UNC5C: variants seen among roughly 807,000 people sequenced by gnomAD.
UNC5C encodes the protein netrin receptor UNC5C.
UNC5C carries 47 observed loss-of-function variants against 99.8 expected under a neutral mutation model. That is an observed-to-expected ratio of 0.47 (90% CI 0.37 to 0.60). The LOEUF (loss-of-function observed/expected upper bound fraction) is 0.60, where lower values mean the gene tolerates loss of function less well. UNC5C is among the 20% of genes least tolerant of loss of function. The pLI is 0.00. For synonymous variants in UNC5C, 487 were observed against 452.2 expected, an observed-to-expected ratio of 1.08 and a Z score of -0.98; for missense variants, 1,062 against 1,165.9, an observed-to-expected ratio of 0.91 and a Z score of 1.30.
intron 10 of UNC5C, among the ~76,000 whole-genome samples, chr4:95,209,165 C>T (rs548218759): frequency 6.6e-6 from 1 of 152,232 alleles, no homozygotes; most frequent in East Asian, 1.9e-4. Context: ...ATTTTTGCAT[C>T]ACCATTTCTA....
intron 1 of UNC5C, among the ~76,000 whole-genome samples, chr4:95,529,660 G>A (rs1288499956): frequency 2.0e-5 from 3 of 151,940 alleles, no homozygotes; most frequent in Admixed American, 6.6e-5. Flanking sequence ...CCAGGAGGTC[G>A]AAGCTGCAGT....
At chr4:95,248,318 AAG>A in intron 5 of UNC5C, 1 of 239,684 alleles carries the variant, frequency 4.2e-6, no homozygotes, top group East Asian at 1.5e-4. Context: ...TAAGAAAATG[AAG>A]ACCCAAAGAT....
chr4:95,338,776 G>A (rs886659137), intron 1 of UNC5C, among the ~76,000 whole-genome samples: 1 of 151,972 alleles, frequency 6.6e-6, no homozygotes, highest in African/African-American at 2.4e-5. Flanking sequence ...AGATTCACAA[G>A]GAATTTTAGA....
intron 10 of UNC5C, among the ~76,000 whole-genome samples, chr4:95,210,672 CAAT>C (rs1339708076): frequency 2.6e-5 from 4 of 152,092 alleles, no homozygotes; most frequent in African/African-American, 9.7e-5. Context: ...CAGCAAAGAA[CAAT>C]GATTAAAATT....
rs188476553 is a variant in UNC5C at position 95,296,377 on chromosome 4, T to G, written c.490+5229A>C. Reference sequence around the variant, plus strand: ...AATAATGTTGACCTAGAAGAAGAGTTTGTTTTTTTATTTGAAAATAGATTG... The same window carrying G: ...AATAATGTTGACCTAGAAGAAGAGTGTGTTTTTTTATTTGAAAATAGATTG... On this transcript the variant is annotated intron_variant, in intron 3 of 15. Coordinates refer to ENST00000453304, the MANE Select transcript of UNC5C (RefSeq NM_003728.4). Among the ~76,000 whole-genome samples, 750 of 152,316 alleles carry G rather than the reference T, an allele frequency of 4.9e-3. 4 individuals are homozygous for G. Among genetic ancestry groups the G allele is most frequent in the Non-Finnish European group, 7.8e-3 (528 of 68,036 alleles).
chr4:95,224,603 AATTCATTCATTCATTC>A (rs35707866), intron 7 of UNC5C, among the ~76,000 whole-genome samples: 1 of 150,856 alleles, frequency 6.6e-6, no homozygotes. Context: ...ACAGAATTGG[AATTCATTCATTCATTC>A]ATTCATTCAT....
At chr4:95,172,047 G>C (rs1004579124) in intron 14 of UNC5C, among the ~76,000 whole-genome samples, 2 of 148,646 alleles carry the variant, frequency 1.3e-5, no homozygotes, top group Admixed American at 6.7e-5. Context: ...CTTTTGAGAA[G>C]TGTCTGTTCA....
At chr4:95,191,646 GCTCCTCTGTTCGCCGC>G (rs1737099962) in intron 12 of UNC5C, among the ~76,000 whole-genome samples, 1 of 137,676 alleles carries the variant, frequency 7.3e-6, no homozygotes, top group Non-Finnish European at 1.6e-5. Flanking sequence ...ATGCTCACCT[GCTCCTCTGTTCGCCGC>G]CTCCTCTGTT....
At chr4:95,185,682 AC>A (rs1338603957) in intron 12 of UNC5C, among the ~76,000 whole-genome samples, 1 of 152,194 alleles carries the variant, frequency 6.6e-6, no homozygotes, top group Admixed American at 6.5e-5. Context: ...AAAAATTAGA[AC>A]CTGTTTTAGA....
chr4:95,484,178 C>T (rs1397643941), intron 1 of UNC5C, among the ~76,000 whole-genome samples: 1 of 151,844 alleles, frequency 6.6e-6, no homozygotes, highest in Non-Finnish European at 1.5e-5. Context: ...GAATGAGCCA[C>T]ATGGGTGGGT....
intron 5 of UNC5C, among the ~76,000 whole-genome samples, chr4:95,249,398 A>G (rs1285712853): frequency 3.9e-5 from 6 of 152,190 alleles, no homozygotes; most frequent in African/African-American, 1.4e-4. Context: ...ATGTTCTAAG[A>G]GGTGGTGAGG....
At chr4:95,345,790 A>T (rs1743748969) in intron 1 of UNC5C, among the ~76,000 whole-genome samples, 1 of 152,006 alleles carries the variant, frequency 6.6e-6, no homozygotes, top group African/African-American at 2.4e-5. Flanking sequence ...GTAAATTTAA[A>T]AATTTATTGA....
intron 1 of UNC5C, among the ~76,000 whole-genome samples, chr4:95,360,042 A>T (rs889107218): frequency 6.6e-6 from 1 of 152,100 alleles, no homozygotes; most frequent in Non-Finnish European, 1.5e-5. Context: ...CAAATACTCA[A>T]TACATAGACT....
intron 1 of UNC5C, among the ~76,000 whole-genome samples, chr4:95,367,215 C>G (rs1744601332): frequency 7.2e-6 from 1 of 138,032 alleles, no homozygotes; most frequent in Non-Finnish European, 1.5e-5. Context: ...AAAGAAAAAT[C>G]CAGGAGTGCA....
At chr4:95,242,391 G>A (rs891552809) in intron 7 of UNC5C, 38 bp downstream of exon 7, 3 of 1,611,442 alleles carry the variant, frequency 1.9e-6, no homozygotes, top group Non-Finnish European at 2.5e-6. Context: ...TCAATCTCCA[G>A]CCCCCTCAAT....
At position 95,548,622 on chromosome 4, in the gene UNC5C, G is replaced by A. The variant is rs948763227; in HGVS notation, c.124+112C>T. 2.2e-6 allele frequency: 3 copies of A among 1,356,252 alleles called. No individual in the cohort carries two copies. In the Admixed American group the frequency reaches 8.2e-5, roughly 37 times the overall value. 84.0% of individuals were successfully genotyped at this position (1,356,252 alleles called of 1,614,324 possible). A position where few individuals can be genotyped will look rare whatever the true frequency, so the allele number is the denominator to read the frequency against. ...AAAGTGGAATTTAGAGTGGTTTCCA[G>A]TTGAAAGCAACGAGGCAAATTGAGG... On this transcript the variant is annotated intron_variant, in intron 1 of 15. Transcript: ENST00000453304.
rs544717701 is a variant in UNC5C at position 95,534,393 on chromosome 4, C to A, written c.124+14341G>T. Among the ~76,000 whole-genome samples the A allele has an allele frequency of 1.1e-4, 16 of 152,186 alleles. No homozygotes were observed. The East Asian group carries it at 3.1e-3, about 29-fold the overall frequency. ...ACATTCTGAAGATAAGAATTTTTTA[C>A]GTTTTGTCTTGTTTTAATTTTACAA... is the stretch of plus-strand genomic sequence containing the variant. On this transcript the variant is annotated intron_variant, in intron 1 of 15. Transcript: ENST00000453304.
chr4:95,402,601 T>C (rs1304245325), intron 1 of UNC5C, among the ~76,000 whole-genome samples: 4 of 152,186 alleles, frequency 2.6e-5, no homozygotes, highest in African/African-American at 9.7e-5. Context: ...CAGGGTAGTA[T>C]TTGAGGACAC....
intron 1 of UNC5C, among the ~76,000 whole-genome samples, chr4:95,505,404 C>A (rs1721889875): frequency 6.6e-6 from 1 of 152,086 alleles, no homozygotes; most frequent in Non-Finnish European, 1.5e-5. Flanking sequence ...TCAAAGCCTG[C>A]ATTGTTATAA....
Sources: allele counts gnomAD v4.1 joint callset (sites outside exome capture counted in the v4.1 genomes callset), GRCh38; gene constraint gnomAD v4.1.1; transcripts MANE v1.5; gene names NCBI Gene and HGNC (gene_info 2026-07-23, HGNC 2026-07-21).